Variants in NLGN4X observed in about 807,000 individuals in gnomAD.
The protein encoded by NLGN4X is neuroligin-4, X-linked.
Under a neutral mutation model 40.3 loss-of-function variants are expected in NLGN4X, and 3 were observed. The observed-to-expected ratio is 0.07, with a 90% CI of 0.03 to 0.19. The LOEUF (loss-of-function observed/expected upper bound fraction) is 0.19, where lower values mean the gene tolerates loss of function less well. Among genes scored for constraint, NLGN4X ranks in the 10% least tolerant of loss-of-function variants. The pLI is 1.00. For synonymous variants in NLGN4X, 270 were observed against 306.8 expected (o/e 0.88, Z 1.25); for missense variants, 382 against 708.3 (o/e 0.54, Z 5.23).
At chrX:6,095,109 G>T in intron 2 of NLGN4X, among the ~76,000 whole-genome samples, 1 of 26,143 alleles carries the variant, frequency 3.8e-5, no homozygotes, top group East Asian at 5.9e-4. Flanking sequence ...GTGCGTGTGT[G>T]TGTGTGTGTG....
intron 2 of NLGN4X, among the ~76,000 whole-genome samples, chrX:6,032,235 C>T (rs1391508348): frequency 2.0e-4 from 19 of 94,799 alleles, no homozygotes; most frequent in African/African-American, 6.6e-4. Flanking sequence ...GCCCCCCCCC[C>T]CCCAAAAAAA....
At chrX:5,976,187 AAC>A (rs2035172128) in intron 3 of NLGN4X, among the ~76,000 whole-genome samples, 1 of 112,399 alleles carries the variant, frequency 8.9e-6, no homozygotes, top group African/African-American at 3.2e-5. Context: ...ATTTTCAACA[AAC>A]ACACATTCTA....
chrX:6,073,355 G>A (rs2038115107), intron 2 of NLGN4X, among the ~76,000 whole-genome samples: 1 of 112,426 alleles, frequency 8.9e-6, no homozygotes, highest in African/African-American at 3.2e-5. Flanking sequence ...ATGAATTAAT[G>A]AATCCTATAG....
intron 3 of NLGN4X, among the ~76,000 whole-genome samples, chrX:6,006,493 G>A (rs1044956656): frequency 2.7e-5 from 3 of 111,218 alleles, no homozygotes; most frequent in Non-Finnish European, 5.7e-5. Flanking sequence ...GGTTTAAAGA[G>A]TGAATAATTT....
chrX:5,991,811 GTTTGT>G (rs2035693058), intron 3 of NLGN4X, among the ~76,000 whole-genome samples: 1 of 112,034 alleles, frequency 8.9e-6, no homozygotes, highest in Admixed American at 9.5e-5. Flanking sequence ...ACTTCTTCCT[GTTTGT>G]TTTATTTTAC....
intron 2 of NLGN4X, among the ~76,000 whole-genome samples, chrX:6,072,468 C>T (rs1262829067): frequency 9.0e-6 from 1 of 111,542 alleles, no homozygotes; most frequent in East Asian, 2.8e-4. Flanking sequence ...AGATACTGCA[C>T]TGTAAATGAG....
intron 1 of NLGN4X, among the ~76,000 whole-genome samples, chrX:6,177,603 T>C (rs1457730079): frequency 8.9e-6 from 1 of 112,435 alleles, no homozygotes; most frequent in Non-Finnish European, 1.9e-5. Flanking sequence ...AAAATAATCA[T>C]GTCCTTTGAA....
At chrX:6,113,035 C>T (rs1490548289) in intron 2 of NLGN4X, among the ~76,000 whole-genome samples, 1 of 110,254 alleles carries the variant, frequency 9.1e-6, no homozygotes, top group Non-Finnish European at 1.9e-5. Flanking sequence ...GTACCAATCC[C>T]GTGACCAGCC....
chrX:5,898,088 T>C (rs1170250643), intron 5 of NLGN4X, among the ~76,000 whole-genome samples: 1 of 84,103 alleles, frequency 1.2e-5, no homozygotes, highest in Non-Finnish European at 2.4e-5. Flanking sequence ...CTTCCTCTCT[T>C]CTTTCTCCCT....
intron 3 of NLGN4X, among the ~76,000 whole-genome samples, chrX:5,956,867 C>T (rs1277578804): frequency 8.9e-6 from 1 of 111,735 alleles, no homozygotes; most frequent in Non-Finnish European, 1.9e-5. Flanking sequence ...GAATAGAAAG[C>T]CACATTGAAA....
chrX:6,209,346 T>G (rs56261118), intron 1 of NLGN4X, among the ~76,000 whole-genome samples: 1 of 110,897 alleles, frequency 9.0e-6, no homozygotes, highest in Non-Finnish European at 1.9e-5. Context: ...AATATATCCA[T>G]GTAACAAAAC....
chrX:5,968,384 T>C (rs1231119150), intron 3 of NLGN4X, among the ~76,000 whole-genome samples: 6 of 93,166 alleles, frequency 6.4e-5, no homozygotes, highest in African/African-American at 2.0e-4. Flanking sequence ...GGTACTTTTC[T>C]CACTTTGTTG....
intron 2 of NLGN4X, among the ~76,000 whole-genome samples, chrX:6,108,617 G>A (rs747811255): frequency 2.7e-5 from 3 of 111,190 alleles, no homozygotes; most frequent in African/African-American, 6.5e-5. Flanking sequence ...CCAGGAGGTC[G>A]AGGCTGCAGT....
At chrX:5,951,124 T>C (rs752975811) in intron 3 of NLGN4X, among the ~76,000 whole-genome samples, 122 of 112,297 alleles carry the variant, frequency 1.1e-3, no homozygotes, top group African/African-American at 3.3e-3. Flanking sequence ...TTTATTCTTT[T>C]ACAGAAGACA....
At chrX:5,958,714 T>C (rs1298341109) in intron 3 of NLGN4X, among the ~76,000 whole-genome samples, 1 of 112,007 alleles carries the variant, frequency 8.9e-6, no homozygotes, top group Non-Finnish European at 1.9e-5. Context: ...TTCTTCTTGC[T>C]GAGTCATGGT....
intron 3 of NLGN4X, among the ~76,000 whole-genome samples, chrX:5,972,259 CTAAAG>C (rs766164974): frequency 1.2e-4 from 13 of 110,563 alleles, no homozygotes; most frequent in Non-Finnish European, 2.5e-4. Context: ...TTCATTCACT[CTAAAG>C]TATTCAGGTT....
intron 1 of NLGN4X, among the ~76,000 whole-genome samples, chrX:6,211,716 C>T (rs748508856): frequency 9.0e-6 from 1 of 111,463 alleles, no homozygotes; most frequent in South Asian, 3.8e-4. Flanking sequence ...ATATATATGT[C>T]CATACGTACA....
At chrX:6,178,719 C>T (rs536424723) in intron 1 of NLGN4X, among the ~76,000 whole-genome samples, 4 of 112,334 alleles carry the variant, frequency 3.6e-5, no homozygotes, top group African/African-American at 1.3e-4. Flanking sequence ...TCATAGCCAT[C>T]GTGCAAATCC....
At chrX:5,997,591 TATATATACAC>T (rs1202470845) in intron 3 of NLGN4X, among the ~76,000 whole-genome samples, 13 of 60,608 alleles carry the variant, frequency 2.1e-4, no homozygotes, top group East Asian at 1.1e-3. Context: ...TGTGTGTATA[TATATATACAC>T]ATATATATAT....
Sources: gnomAD v4.1 joint callset for allele counts (sites outside exome capture counted in the v4.1 genomes callset) on GRCh38, gnomAD v4.1.1 for gene constraint, MANE v1.5 for transcripts, NCBI Gene and HGNC (gene_info 2026-07-23, HGNC 2026-07-21) for gene names.